AGXT2: variants seen among roughly 807,000 people sequenced by gnomAD.
AGXT2 encodes alanine--glyoxylate aminotransferase 2, mitochondrial.
Under a neutral mutation model 62.5 loss-of-function variants are expected in AGXT2, and 61 were observed. The ratio of observed to expected loss-of-function variants is 0.98; its 90% CI spans 0.79 to 1.21. The LOEUF is 1.21. Ranked by LOEUF, AGXT2 falls within the 50% of genes most tolerant of loss-of-function variation. The pLI is 0.00. For synonymous variants in AGXT2, 243 were observed against 218.7 expected (o/e 1.11, Z -0.98); for missense variants, 666 against 641.5 (o/e 1.04, Z -0.41).
chr5:35,018,689 C>T (rs1409643750), intron 9 of AGXT2, among the ~76,000 whole-genome samples: 4 of 149,064 alleles, frequency 2.7e-5, no homozygotes, highest in African/African-American at 7.4e-5. Flanking sequence ...AACCAGCTAA[C>T]ATCATAATGA....
chr5:35,018,920 A>C (rs1169260899), intron 9 of AGXT2, among the ~76,000 whole-genome samples: 2 of 143,394 alleles, frequency 1.4e-5, no homozygotes, highest in Non-Finnish European at 3.0e-5. Flanking sequence ...CAGGGGTTGC[A>C]ATCCTAGTCT....
intron 13 of AGXT2, among the ~76,000 whole-genome samples, chr5:35,001,808 T>TC (rs35240750): frequency 0.3 from 45,704 of 152,040 alleles, 7,759 homozygotes; most frequent in Non-Finnish European, 0.39. Context: ...GGCCTAGAAG[T>TC]CCCTTCTCTT....
In AGXT2 at chr5:34,998,686, T is replaced by G; in HGVS notation, c.*33A>C. On this transcript the variant is annotated 3_prime_UTR_variant, in exon 14 of 14. Transcript: ENST00000231420. ...CCCTTGAACATACGTGGCAAATTCT[T>G]GAGACTTGTGGTTTTATTTATTTCT... 8.2e-4 allele frequency: 1,277 copies of G among 1,562,682 alleles called. No individual in the cohort carries two copies. Among genetic ancestry groups the G allele is most frequent in the Non-Finnish European group, 1.1e-3 (1,194 of 1,134,966 alleles).
At chr5:35,020,112 A>G (rs1767009463) in intron 9 of AGXT2, among the ~76,000 whole-genome samples, 1 of 152,260 alleles carries the variant, frequency 6.6e-6, no homozygotes, top group African/African-American at 2.4e-5. Context: ...GTCCAGGACC[A>G]GAAGGATTCA....
chr5:35,025,646 CTT>C (rs1767305730), intron 9 of AGXT2, 115 bp downstream of exon 9: 2 of 1,055,208 alleles, frequency 1.9e-6, no homozygotes, highest in African/African-American at 3.1e-5. Context: ...TGTAGGCAAA[CTT>C]TGGAATTCAC....
intron 1 of AGXT2, among the ~76,000 whole-genome samples, chr5:35,043,347 A>G (rs1046571165): frequency 1.3e-5 from 2 of 152,304 alleles, no homozygotes; most frequent in African/African-American, 4.8e-5. Flanking sequence ...TATGCAGTGG[A>G]CACAGTGTGA....
At chr5:35,010,541 A>G (rs537922060) in intron 11 of AGXT2, among the ~76,000 whole-genome samples, 22 of 151,750 alleles carry the variant, frequency 1.4e-4, no homozygotes, top group African/African-American at 4.8e-4. Context: ...AAAAATTAGC[A>G]GGGCTCTGTG....
At chr5:35,032,566 G>A (rs1282918645) in intron 7 of AGXT2, among the ~76,000 whole-genome samples, 166 bp downstream of exon 7, 4 of 152,186 alleles carry the variant, frequency 2.6e-5, no homozygotes, top group Admixed American at 1.3e-4. Flanking sequence ...AGACATAAGC[G>A]TTGATTCAAT....
intron 11 of AGXT2, among the ~76,000 whole-genome samples, chr5:35,010,976 T>C (rs2112191161): frequency 6.6e-6 from 1 of 152,334 alleles, no homozygotes; most frequent in East Asian, 1.9e-4. Flanking sequence ...CACCAGAAGA[T>C]ATAAAAGGAT....
intron 9 of AGXT2, among the ~76,000 whole-genome samples, chr5:35,016,943 C>T (rs1413470593): frequency 2.0e-5 from 3 of 152,134 alleles, no homozygotes; most frequent in Non-Finnish European, 4.4e-5. Flanking sequence ...GTGGGGACTA[C>T]GGGTATGCAT....
At chr5:35,005,519 C>T (rs908613553) in intron 12 of AGXT2, among the ~76,000 whole-genome samples, 6 of 152,178 alleles carry the variant, frequency 3.9e-5, no homozygotes, top group African/African-American at 1.4e-4. Context: ...GCCACCGTGC[C>T]TGGCCCAACA....
chr5:35,011,714 A>G (rs1317863824), intron 11 of AGXT2, among the ~76,000 whole-genome samples: 2 of 152,024 alleles, frequency 1.3e-5, no homozygotes, highest in African/African-American at 4.8e-5. Context: ...CAGTATGGAG[A>G]TTTCTAAAAG....
chr5:35,039,824 A>G (rs1220249781), intron 2 of AGXT2, among the ~76,000 whole-genome samples: 1 of 152,236 alleles, frequency 6.6e-6, no homozygotes, highest in African/African-American at 2.4e-5. Context: ...AAATGTCTGA[A>G]CTAATAAGCA....
chr5:35,041,045 T>C (rs1439852288), intron 1 of AGXT2, among the ~76,000 whole-genome samples: 1 of 151,984 alleles, frequency 6.6e-6, no homozygotes, highest in Non-Finnish European at 1.5e-5. Flanking sequence ...GGCTTCAAGC[T>C]GCCTAGTGCC....
At chr5:35,045,920 A>C (rs1295639172) in intron 1 of AGXT2, among the ~76,000 whole-genome samples, 1 of 151,936 alleles carries the variant, frequency 6.6e-6, no homozygotes, top group African/African-American at 2.4e-5. Context: ...GGCGTTCGCC[A>C]CCATGCCCGA....
chr5:35,041,281 T>C (rs866717064), intron 1 of AGXT2, among the ~76,000 whole-genome samples: 21 of 139,020 alleles, frequency 1.5e-4, no homozygotes, highest in Middle Eastern at 9.5e-3. Flanking sequence ...AGGGATAAGC[T>C]GAACCAGATT....
intron 4 of AGXT2, among the ~76,000 whole-genome samples, chr5:35,035,779 A>G (rs891107155): frequency 1.3e-5 from 2 of 152,156 alleles, no homozygotes; most frequent in Non-Finnish European, 2.9e-5. Context: ...GTGAATGTTG[A>G]AAAAACAAGT....
rs1561216704 is a variant in AGXT2, at chr5:35,014,038, C to T, written c.1045G>A (p.Ala349Thr). 6.2e-7 allele frequency: 1 copy of T among 1,614,122 alleles called. No homozygotes were observed. The highest frequency in any genetic ancestry group is 8.5e-7 in the Non-Finnish European group (1 of 1,180,014). ...HDVLPDIVTM[A>T]KGIGNGFPMA... ...GGAAAGCCATTCCCAATCCCTTTAG[C>T]CATGGTGACAATGTCAGGCAGGACA... Residue 349 changes from alanine (A) to threonine (T), a missense_variant, in exon 10 of 14, where the codon GCT becomes ACT. Ala to Thr is a moderately conservative substitution (Grantham distance 58). Coordinates refer to ENST00000231420, the MANE Select transcript of AGXT2 (RefSeq NM_031900.4).
At chr5:35,036,163 A>G (rs1767763691) in intron 4 of AGXT2, among the ~76,000 whole-genome samples, 2 of 152,160 alleles carry the variant, frequency 1.3e-5, no homozygotes. Context: ...TGTGCCCTCC[A>G]GACTCAGGGA....
Sources: allele counts gnomAD v4.1 joint callset (sites outside exome capture counted in the v4.1 genomes callset), GRCh38; gene constraint gnomAD v4.1.1; transcripts MANE v1.5; gene names NCBI Gene and HGNC (gene_info 2026-07-23, HGNC 2026-07-21).